The following KIRREL3 variants were observed in gnomAD, a reference collection of about 807,000 sequenced individuals.
KIRREL3 encodes kirre like nephrin family adhesion molecule 3, also known as kin of IRRE-like protein 3.
A neutral mutation model predicts 89.7 loss-of-function variants in KIRREL3; 36 were observed. The ratio of observed to expected loss-of-function variants is 0.40; its 90% CI spans 0.31 to 0.53. KIRREL3 has a LOEUF of 0.53. Among genes scored for constraint, KIRREL3 ranks in the 20% least tolerant of loss-of-function variants. The probability of loss-of-function intolerance (pLI) is 0.49; values close to 1 mark genes in which losing one functional copy is unlikely to be tolerated. For missense variants in KIRREL3, 864 were observed against 1,056.6 expected (o/e 0.82, Z 2.53); for synonymous variants, 445 against 441.4 (o/e 1.01, Z -0.10).
chr11:126,753,165 A>T (rs939355182), intron 1 of KIRREL3, among the ~76,000 whole-genome samples: 8 of 152,220 alleles, frequency 5.3e-5, no homozygotes, highest in Non-Finnish European at 8.8e-5. Flanking sequence ...ATAGGCTAAA[A>T]GTTCCCCAGG....
chr11:126,809,228 G>A (rs981745855), intron 1 of KIRREL3, among the ~76,000 whole-genome samples: 4 of 152,126 alleles, frequency 2.6e-5, no homozygotes, highest in Non-Finnish European at 5.9e-5. Flanking sequence ...ACATGCCCTA[G>A]GAGCAAATGA....
chr11:126,980,653 C>T (rs76346142), intron 1 of KIRREL3, among the ~76,000 whole-genome samples: 2,964 of 152,226 alleles, frequency 0.019, 45 homozygotes, highest in Non-Finnish European at 0.028. Flanking sequence ...GAGATTAAAA[C>T]GTGTCATGAC....
chr11:126,862,074 C>T (rs187981493), intron 1 of KIRREL3, among the ~76,000 whole-genome samples: 107 of 152,336 alleles, frequency 7.0e-4, no homozygotes, highest in Non-Finnish European at 1.2e-3. Flanking sequence ...CGAGTGAAGG[C>T]GTTCCATGCT....
At chr11:126,941,181 A>G (rs947858969) in intron 1 of KIRREL3, among the ~76,000 whole-genome samples, 9 of 152,128 alleles carry the variant, frequency 5.9e-5, no homozygotes, top group African/African-American at 2.2e-4. Flanking sequence ...CCACAAGTCC[A>G]TTTCCTCTTG....
At position 126,837,821 on chromosome 11, in the gene KIRREL3, C is replaced by A. The variant is rs1943831367; in HGVS notation, c.55+162634G>T. On this transcript the variant is annotated intron_variant, in intron 1 of 16. Transcript: ENST00000525144. This position sits in a 1 kb window ranked among gnomAD's most constrained non-coding sequence, Gnocchi z 4.7. ...TCACATGGGACAGCAACTTGCTATC[C>A]ATTTCTAGCAGCTCGCAGTCTATGT... 6.6e-6 allele frequency among the ~76,000 whole-genome samples: 1 copy of A among 152,204 alleles called. No homozygotes were observed. The highest frequency in any genetic ancestry group is 2.1e-4 in the South Asian group (1 of 4,830).
chr11:126,796,896 C>T lies in KIRREL3; in HGVS notation c.55+203559G>A, dbSNP rs1359588926. ...ATGAAAATCTGATTGTTGGCAGAGC[C>T]CTCGGACTTAGAAAAAGATCTGCCT... On this transcript the variant is annotated intron_variant, in intron 1 of 16. Transcript: ENST00000525144. The surrounding 1 kb of genome is among the most constrained non-coding windows in gnomAD (Gnocchi z 5.1). Among the ~76,000 whole-genome samples, 1 of 152,030 alleles carries T rather than the reference C, an allele frequency of 6.6e-6. No individual in the cohort carries two copies. The highest frequency in any genetic ancestry group is 2.4e-5 in the African/African-American group (1 of 41,382).
intron 1 of KIRREL3, among the ~76,000 whole-genome samples, chr11:126,657,248 TTAAATAAATAAATAAA>T (rs1032242355): frequency 3.3e-5 from 1 of 30,330 alleles, no homozygotes; most frequent in Non-Finnish European, 7.1e-5. Context: ...AAATAAATAA[TTAAATAAATAAATAAA>T]TAAATAAATA....
chr11:126,501,461 C>T lies in KIRREL3; in HGVS notation c.433+19854G>A, dbSNP rs777415734. Among the ~76,000 whole-genome samples the T allele has an allele frequency of 1.3e-5, 2 of 152,246 alleles. No homozygotes were observed. Among genetic ancestry groups the T allele is most frequent in the African/African-American group, 4.8e-5 (2 of 41,552 alleles). ...CAGGTGGGGAAGGCAGAGCGCAGGT[C>T]GAGCAGATTCTACCGCAGCCCGTCC... is the stretch of plus-strand genomic sequence containing the variant. On this transcript the variant is annotated intron_variant, in intron 4 of 16. Coordinates refer to ENST00000525144, the MANE Select transcript of KIRREL3 (RefSeq NM_032531.4). This position sits in a 1 kb window ranked among gnomAD's most constrained non-coding sequence, Gnocchi z 5.8.
rs183267147 is a variant in KIRREL3 at position 126,663,447 on chromosome 11, C to T, written c.56-100535G>A. Reference sequence around the variant, plus strand: ...TGATCCGCCTGCCTCGGCCTCCCAACGTGCTGGGATTACAATGTCTGGCTT... The same window carrying T: ...TGATCCGCCTGCCTCGGCCTCCCAATGTGCTGGGATTACAATGTCTGGCTT... On this transcript the variant is annotated intron_variant, in intron 1 of 16. Transcript: ENST00000525144. Among the ~76,000 whole-genome samples the T allele has an allele frequency of 3.9e-5, 6 of 152,162 alleles. No individual in the cohort carries two copies. The East Asian group carries it at 9.7e-4, about 25-fold the overall frequency.
At position 126,729,663 on chromosome 11, in the gene KIRREL3, C is replaced by G. The variant is rs565136763; in HGVS notation, c.56-166751G>C. Among the ~76,000 whole-genome samples, 1 of 151,698 alleles carries G rather than the reference C, an allele frequency of 6.6e-6. No homozygotes were observed. Among genetic ancestry groups the G allele is most frequent in the Non-Finnish European group, 1.5e-5 (1 of 67,918 alleles). On this transcript the variant is annotated intron_variant, in intron 1 of 16. Transcript: ENST00000525144. The surrounding 1 kb of genome is among the most constrained non-coding windows in gnomAD (Gnocchi z 4.5). ...CAGGAGCTCACAGGTGGGTGTGAAC[C>G]TGGGGACCCTCCGTAGATACTCATG... is the stretch of plus-strand genomic sequence containing the variant.
chr11:126,765,909 G>A (rs925834458), intron 1 of KIRREL3, among the ~76,000 whole-genome samples: 1 of 152,040 alleles, frequency 6.6e-6, no homozygotes, highest in Non-Finnish European at 1.5e-5. Flanking sequence ...GGGCAAGGAA[G>A]CCCCTCCCTT....
intron 4 of KIRREL3, among the ~76,000 whole-genome samples, chr11:126,507,304 A>G (rs1958055501): frequency 6.6e-6 from 1 of 152,180 alleles, no homozygotes; most frequent in South Asian, 2.1e-4. Flanking sequence ...TATTAAAAAT[A>G]ATTGAGTTGT....
chr11:126,492,039 C>A lies in KIRREL3; in HGVS notation c.434-18573G>T, dbSNP rs983281941. On this transcript the variant is annotated intron_variant, in intron 4 of 16. Coordinates refer to ENST00000525144, the MANE Select transcript of KIRREL3 (RefSeq NM_032531.4). The surrounding 1 kb of genome is among the most constrained non-coding windows in gnomAD (Gnocchi z 4.8). ...TGATAGAGGGATTTCAGAATCTGGACTTTTATTGTCTCACTTCCCTTCAGT... is the reference window on the plus strand; with the variant it reads ...TGATAGAGGGATTTCAGAATCTGGAATTTTATTGTCTCACTTCCCTTCAGT... Among the ~76,000 whole-genome samples the A allele has an allele frequency of 6.6e-6, 1 of 152,112 alleles. No homozygotes were observed. The highest frequency in any genetic ancestry group is 2.4e-5 in the African/African-American group (1 of 41,420).
At position 126,627,206 on chromosome 11, in the gene KIRREL3, A is replaced by T. The variant is rs1943828451; in HGVS notation, c.56-64294T>A. On this transcript the variant is annotated intron_variant, in intron 1 of 16. Coordinates refer to ENST00000525144, the MANE Select transcript of KIRREL3 (RefSeq NM_032531.4). This position sits in a 1 kb window ranked among gnomAD's most constrained non-coding sequence, Gnocchi z 5.0. ...AGGTGAGAGAATTTCAGACTGAGGA[A>T]CTGAAAGAGCCAGGGCACAGAGTGT... Among the ~76,000 whole-genome samples the T allele has an allele frequency of 6.6e-6, 1 of 152,126 alleles. No individual in the cohort carries two copies. Among genetic ancestry groups the T allele is most frequent in the Non-Finnish European group, 1.5e-5 (1 of 68,030 alleles).
intron 1 of KIRREL3, among the ~76,000 whole-genome samples, chr11:126,775,870 T>C (rs1393395011): frequency 6.6e-6 from 1 of 152,202 alleles, no homozygotes; most frequent in East Asian, 1.9e-4. Flanking sequence ...CACATCACAC[T>C]GGCAATGTCC....
In KIRREL3 at chr11:126,744,816, T is replaced by A. The variant is rs1042082320; in HGVS notation, c.56-181904A>T. 1.3e-5 allele frequency among the ~76,000 whole-genome samples: 2 copies of A among 152,062 alleles called. No individual in the cohort carries two copies. Among genetic ancestry groups the A allele is most frequent in the Non-Finnish European group, 2.9e-5 (2 of 68,020 alleles). On this transcript the variant is annotated intron_variant, in intron 1 of 16. Transcript: ENST00000525144. The surrounding 1 kb of genome is among the most constrained non-coding windows in gnomAD (Gnocchi z 4.7). ...AGGCTTCATGAGGCAGGTACTGTATTTGCCCTGTTGCCTGCTCTGTCCCTG... is the reference window on the plus strand; with the variant it reads ...AGGCTTCATGAGGCAGGTACTGTATATGCCCTGTTGCCTGCTCTGTCCCTG...
At chr11:126,951,040 G>T (rs2135146904) in intron 1 of KIRREL3, among the ~76,000 whole-genome samples, 2 of 152,294 alleles carry the variant, frequency 1.3e-5, no homozygotes, top group Middle Eastern at 6.8e-3. Context: ...ATGTTCCCAA[G>T]TTCTTAACCC....
intron 1 of KIRREL3, among the ~76,000 whole-genome samples, chr11:126,718,758 C>T (rs1027053072): frequency 6.6e-6 from 1 of 152,130 alleles, no homozygotes. Context: ...TTGCCAAGTT[C>T]ACCAGGGGCA....
chr11:126,783,807 T>C lies in KIRREL3; in HGVS notation c.55+216648A>G, dbSNP rs1181651885. Among the ~76,000 whole-genome samples the C allele has an allele frequency of 6.6e-6, 1 of 152,208 alleles. No individual in the cohort carries two copies. Among genetic ancestry groups the C allele is most frequent in the African/African-American group, 2.4e-5 (1 of 41,446 alleles). ...CACATAGTGACTTCCTTCTAAAGAATACAGTGTGAAAGTGAGAGAAAAAGA... is the reference window on the plus strand; with the variant it reads ...CACATAGTGACTTCCTTCTAAAGAACACAGTGTGAAAGTGAGAGAAAAAGA... On this transcript the variant is annotated intron_variant, in intron 1 of 16. Coordinates refer to ENST00000525144, the MANE Select transcript of KIRREL3 (RefSeq NM_032531.4). This position sits in a 1 kb window ranked among gnomAD's most constrained non-coding sequence, Gnocchi z 4.3.
Sources: gnomAD v4.1 joint callset for allele counts (sites outside exome capture counted in the v4.1 genomes callset) on GRCh38, gnomAD v4.1.1 for gene constraint, Gnocchi (gnomAD v3.1) non-coding constraint, MANE v1.5 for transcripts, NCBI Gene and HGNC (gene_info 2026-07-23, HGNC 2026-07-21) for gene names.